LRCH1: variants seen among roughly 807,000 people sequenced by gnomAD.
LRCH1 encodes the protein leucine rich repeats and calponin homology domain containing 1.
Under a neutral mutation model 94.9 loss-of-function variants are expected in LRCH1, and 23 were observed. That is an observed-to-expected ratio of 0.24 (90% confidence interval 0.17 to 0.34). The LOEUF (loss-of-function observed/expected upper bound fraction) is 0.34. Ranked by LOEUF, LRCH1 falls within the 10% of genes least tolerant of loss-of-function variation. The pLI is 1.00. For synonymous variants in LRCH1, 364 were observed against 354.9 expected, an observed-to-expected ratio of 1.03 and a Z score of -0.29; for missense variants, 790 against 945.9, an observed-to-expected ratio of 0.84 and a Z score of 2.16.
At chr13:46,660,991 C>T (rs1388285229) in intron 2 of LRCH1, among the ~76,000 whole-genome samples, 1 of 152,172 alleles carries the variant, frequency 6.6e-6, no homozygotes, top group African/African-American at 2.4e-5. Context: ...TCCAGCACCC[C>T]AGGTCAGAAT....
At chr13:46,595,503 A>C (rs2050551214) in intron 1 of LRCH1, among the ~76,000 whole-genome samples, 1 of 152,192 alleles carries the variant, frequency 6.6e-6, no homozygotes, top group East Asian at 1.9e-4. Context: ...ATATAAGCTA[A>C]CTTTTGTAGC....
In LRCH1 at chr13:46,573,866, A is replaced by ATATATATATATATATATATTTT; in HGVS notation, c.307+20164_307+20165insATATATATATATATATATTTTT. ...GTCAAATATATATATATATATATAT[A>ATATATATATATATATATATTTT]TTTTTTTTTTTTTTGAGATGGAGTC... On this transcript the variant is annotated intron_variant, in intron 1 of 19. Coordinates refer to ENST00000389797, the MANE Select transcript of LRCH1 (RefSeq NM_001164211.2). Among the ~76,000 whole-genome samples, 622 of 62,950 alleles carry ATATATATATATATATATATTTT rather than the reference A, an allele frequency of 9.9e-3. 14 individuals are homozygous for ATATATATATATATATATATTTT. Among genetic ancestry groups the ATATATATATATATATATATTTT allele is most frequent in the Middle Eastern group, 0.019 (2 of 104 alleles). The allele number at this position is 62,950 out of a possible 152,430, so 41.3% of individuals were successfully genotyped here.
chr13:46,638,373 A>G (rs1400150297), intron 1 of LRCH1, among the ~76,000 whole-genome samples: 2 of 152,204 alleles, frequency 1.3e-5, no homozygotes, highest in Non-Finnish European at 2.9e-5. Context: ...ATATGTTAAA[A>G]CTGGCACGGA....
chr13:46,738,950 A>G (rs1873521823), intron 19 of LRCH1, among the ~76,000 whole-genome samples: 2 of 152,178 alleles, frequency 1.3e-5, no homozygotes, highest in Admixed American at 1.3e-4. Flanking sequence ...TCCCTGCCAA[A>G]TTATACCTCA....
chr13:46,614,680 C>T (rs1045141456), intron 1 of LRCH1, among the ~76,000 whole-genome samples: 2 of 152,008 alleles, frequency 1.3e-5, no homozygotes, highest in African/African-American at 4.8e-5. Context: ...GCTGTGTATT[C>T]TCCTTGTTTC....
downstream of LRCH1, among the ~76,000 whole-genome samples, chr13:46,747,210 A>C (rs1873945238): frequency 6.6e-6 from 1 of 152,142 alleles, no homozygotes; most frequent in Admixed American, 6.5e-5. Flanking sequence ...GAATGTGGAG[A>C]CCAGGAAGGC....
At chr13:46,701,027 T>C (rs1345877446) in intron 10 of LRCH1, 94 bp from the exon 11 acceptor site, 1 of 763,594 alleles carries the variant, frequency 1.3e-6, no homozygotes, top group Non-Finnish European at 2.3e-6. Context: ...TTTCATATGT[T>C]AGATGGATTT....
At chr13:46,721,034 C>T (rs1362059146) in intron 16 of LRCH1, among the ~76,000 whole-genome samples, 2 of 152,146 alleles carry the variant, frequency 1.3e-5, no homozygotes, top group Non-Finnish European at 2.9e-5. Context: ...CAAATGCCCA[C>T]ACATGCATGT....
intron 1 of LRCH1, among the ~76,000 whole-genome samples, chr13:46,586,874 A>C (rs770228836): frequency 2.6e-5 from 4 of 152,184 alleles, no homozygotes; most frequent in Admixed American, 2.6e-4. Flanking sequence ...CAAGCAGGAA[A>C]GTTTATTAGA....
intron 1 of LRCH1, among the ~76,000 whole-genome samples, chr13:46,564,495 C>A (rs1010349965): frequency 2.6e-5 from 4 of 152,180 alleles, no homozygotes; most frequent in Non-Finnish European, 5.9e-5. Context: ...GCCATTCCGG[C>A]CAGGGGTCGG....
intron 1 of LRCH1, among the ~76,000 whole-genome samples, chr13:46,588,590 C>G (rs867414760): frequency 1.5e-5 from 2 of 132,904 alleles, no homozygotes; most frequent in African/African-American, 5.6e-5. Context: ...GTTTCTCTCT[C>G]TCTGTCTTTT....
chr13:46,748,271 T>C (rs982786063), downstream of LRCH1, among the ~76,000 whole-genome samples: 5 of 148,636 alleles, frequency 3.4e-5, no homozygotes, highest in African/African-American at 1.3e-4. Flanking sequence ...GGGAGGGGTG[T>C]TGTAGATTTT....
At chr13:46,604,847 A>C (rs534737090) in intron 1 of LRCH1, among the ~76,000 whole-genome samples, 12 of 152,348 alleles carry the variant, frequency 7.9e-5, no homozygotes, top group African/African-American at 2.9e-4. Context: ...CATTATCAAC[A>C]TAACGACACA....
In LRCH1 at chr13:46,689,110, A is replaced by C. The variant is rs779748444; in HGVS notation, c.951-23A>C. 14 of 1,570,150 alleles carry C rather than the reference A, an allele frequency of 8.9e-6. No homozygotes were observed. The Admixed American group carries it at 1.9e-4, about 21-fold the overall frequency. On this transcript the variant is annotated intron_variant, in intron 6 of 19. Transcript: ENST00000389797. Reference sequence around the variant, plus strand: ...ATTTTAATCTTTTTTAAATGAATTCAATATTGATGGCATCTATCTCAGCAA... The same window carrying C: ...ATTTTAATCTTTTTTAAATGAATTCCATATTGATGGCATCTATCTCAGCAA...
At chr13:46,653,706 C>T (rs1263093467) in intron 2 of LRCH1, among the ~76,000 whole-genome samples, 1 of 151,912 alleles carries the variant, frequency 6.6e-6, no homozygotes, top group African/African-American at 2.4e-5. Context: ...TGGCGTGCAC[C>T]TGTAGGCCCA....
chr13:46,619,438 T>C (rs1468841427), intron 1 of LRCH1, among the ~76,000 whole-genome samples: 1 of 152,150 alleles, frequency 6.6e-6, no homozygotes, highest in African/African-American at 2.4e-5. Flanking sequence ...ATTTTTCTTC[T>C]GATTTGTTAG....
intron 2 of LRCH1, among the ~76,000 whole-genome samples, chr13:46,668,593 G>A (rs547633610): frequency 6.6e-6 from 1 of 152,208 alleles, no homozygotes; most frequent in South Asian, 2.1e-4. Flanking sequence ...TGGTTGCTTT[G>A]GTCCAGCTGA....
intron 1 of LRCH1, among the ~76,000 whole-genome samples, chr13:46,614,243 C>T (rs1015147330): frequency 6.6e-5 from 10 of 152,104 alleles, no homozygotes; most frequent in Non-Finnish European, 1.5e-4. Flanking sequence ...TCTTTGTATG[C>T]TTTGATCTAT....
intron 1 of LRCH1, among the ~76,000 whole-genome samples, chr13:46,569,341 CAT>C (rs1251009042): frequency 6.6e-6 from 1 of 152,184 alleles, no homozygotes; most frequent in African/African-American, 2.4e-5. Flanking sequence ...TAAATTTCCT[CAT>C]GTGTAGAATT....
Sources: allele counts gnomAD v4.1 joint callset (sites outside exome capture counted in the v4.1 genomes callset), GRCh38; gene constraint gnomAD v4.1.1; transcripts MANE v1.5; gene names NCBI Gene and HGNC (gene_info 2026-07-23, HGNC 2026-07-21).